Variants in PRRX2 observed in about 807,000 individuals in gnomAD.
PRRX2 encodes paired related homeobox 2.
In PRRX2, 11 loss-of-function variants were observed where a neutral mutation model predicts 18.0. That is an observed-to-expected ratio of 0.61 (90% confidence interval 0.39 to 1.01). PRRX2 has a LOEUF of 1.01. Among genes scored for constraint, PRRX2 ranks in the 50% least tolerant of loss-of-function variants. PRRX2 has a pLI of 0.01. For missense variants in PRRX2, 387 were observed against 351.0 expected, an observed-to-expected ratio of 1.10 and a Z score of -0.82; for synonymous variants, 177 against 154.8, an observed-to-expected ratio of 1.14 and a Z score of -1.06.
chr9:129,684,273 A>G (rs922797430), intron 1 of PRRX2, among the ~76,000 whole-genome samples: 10 of 152,106 alleles, frequency 6.6e-5, no homozygotes, highest in African/African-American at 2.2e-4. Context: ...AAACTAGGAT[A>G]TATTTATTAG....
intron 1 of PRRX2, among the ~76,000 whole-genome samples, chr9:129,678,870 G>A (rs1402513378): frequency 6.6e-6 from 1 of 152,206 alleles, no homozygotes; most frequent in Non-Finnish European, 1.5e-5. Flanking sequence ...TTGTGTCTCA[G>A]TTGCCCAGAG....
At position 129,715,750 on chromosome 9, in the gene PRRX2, TCACACACA is replaced by T. The variant is rs58405360; in HGVS notation, c.260-3445_260-3438del. 4.1e-3 allele frequency among the ~76,000 whole-genome samples: 566 copies of T among 138,946 alleles called. 5 individuals are homozygous for T. Among genetic ancestry groups the T allele is most frequent in the East Asian group, 8.0e-3 (35 of 4,392 alleles). The allele number at this position is 138,946 out of a possible 152,430, so 91.2% of individuals were successfully genotyped here. On this transcript the variant is annotated intron_variant, in intron 1 of 3. Transcript: ENST00000372469. The surrounding 1 kb of genome is among the most constrained non-coding windows in gnomAD (Gnocchi z 4.0). Reference sequence around the variant, plus strand: ...AAACCCAGCTTCAGGGACATCTTTCTCACACACACACACACACACACACACACACACAC... The same window carrying T: ...AAACCCAGCTTCAGGGACATCTTTCTCACACACACACACACACACACACAC...
chr9:129,721,068 C>T (rs1832785090), intron 3 of PRRX2, among the ~76,000 whole-genome samples: 1 of 152,220 alleles, frequency 6.6e-6, no homozygotes, highest in African/African-American at 2.4e-5. Flanking sequence ...AGCGTGCAAG[C>T]ATGCGTGTCC....
intron 1 of PRRX2, among the ~76,000 whole-genome samples, chr9:129,705,261 A>G (rs1392731185): frequency 6.6e-6 from 1 of 152,052 alleles, no homozygotes; most frequent in African/African-American, 2.4e-5. Context: ...GGAGGTAGTC[A>G]GGCACCAAAA....
chr9:129,673,810 G>C (rs1457205325), intron 1 of PRRX2, among the ~76,000 whole-genome samples: 1 of 152,204 alleles, frequency 6.6e-6, no homozygotes, highest in African/African-American at 2.4e-5. Context: ...GCGGGCCAAG[G>C]GTTAAGTGCC....
At position 129,665,935 on chromosome 9, in the gene PRRX2, C is replaced by T; in HGVS notation, c.68C>T (p.Pro23Leu). Reference protein sequence around the residue: ...PALGPGPPPPPPALGPGDCAQ... With the variant: ...PALGPGPPPPLPALGPGDCAQ... Reference sequence around the variant, plus strand: ...CTGGGCCCGGGGCCGCCGCCGCCTCCACCCGCGCTGGGGCCCGGCGACTGC... The same window carrying T: ...CTGGGCCCGGGGCCGCCGCCGCCTCTACCCGCGCTGGGGCCCGGCGACTGC... The change falls in exon 1 of 4, where the codon CCA becomes CTA. Residue 23 changes from proline (P) to leucine (L), a missense_variant. Pro to Leu is a moderately conservative substitution (Grantham distance 98). Transcript: ENST00000372469. This position sits in a 1 kb window ranked among gnomAD's most constrained non-coding sequence, Gnocchi z 5.3. 1 of 1,125,284 alleles carries T rather than the reference C, an allele frequency of 8.9e-7. No homozygotes were observed. The highest frequency in any genetic ancestry group is 1.1e-6 in the Non-Finnish European group (1 of 917,618). The allele number at this position is 1,125,284 out of a possible 1,614,324, so 69.7% of individuals were successfully genotyped here.
At position 129,709,502 on chromosome 9, in the gene PRRX2, C is replaced by T. The variant is rs574312828; in HGVS notation, c.260-9729C>T. ...CCAGGGCTGGGAGCAGGTCAGAGCA[C>T]GGCAGTCCCAGGTTGGGTGGCCCAT... On this transcript the variant is annotated intron_variant, in intron 1 of 3. Coordinates refer to ENST00000372469, the MANE Select transcript of PRRX2 (RefSeq NM_016307.4). This position sits in a 1 kb window ranked among gnomAD's most constrained non-coding sequence, Gnocchi z 4.2. 6.6e-4 allele frequency among the ~76,000 whole-genome samples: 101 copies of T among 152,312 alleles called. No homozygotes were observed. The highest frequency in any genetic ancestry group is 2.4e-3 in the African/African-American group (98 of 41,560).
At position 129,691,903 on chromosome 9, in the gene PRRX2, A is replaced by G. The variant is rs181549854; in HGVS notation, c.259+25777A>G. On this transcript the variant is annotated intron_variant, in intron 1 of 3. Coordinates refer to ENST00000372469, the MANE Select transcript of PRRX2 (RefSeq NM_016307.4). ...CACTGTGTTTGCCCAGACTACAGGT[A>G]TGAGCCATCGTGCCTGGCCTAGACG... Among the ~76,000 whole-genome samples the G allele has an allele frequency of 2.0e-5, 3 of 151,794 alleles. No homozygotes were observed. In the East Asian group the frequency reaches 5.8e-4, roughly 29 times the overall value.
intron 1 of PRRX2, among the ~76,000 whole-genome samples, chr9:129,691,525 C>T (rs116721946): frequency 0.015 from 2,314 of 152,018 alleles, 57 homozygotes; most frequent in African/African-American, 0.053. Context: ...TTCTCGATTT[C>T]GTCTTCATTG....
At chr9:129,678,166 G>A (rs991090568) in intron 1 of PRRX2, among the ~76,000 whole-genome samples, 9 of 152,028 alleles carry the variant, frequency 5.9e-5, no homozygotes, top group East Asian at 3.9e-4. Context: ...GTTTTGTCAC[G>A]TTGGCCAGGC....
intron 1 of PRRX2, among the ~76,000 whole-genome samples, chr9:129,691,681 C>CTT (rs57659621): frequency 6.4e-5 from 9 of 141,480 alleles, no homozygotes; most frequent in African/African-American, 1.8e-4. Flanking sequence ...TTTAAATATA[C>CTT]TTTTTTTTTT....
chr9:129,699,440 TGTG>T (rs1443423257), intron 1 of PRRX2, among the ~76,000 whole-genome samples: 1 of 72,110 alleles, frequency 1.4e-5, no homozygotes. Context: ...AATATATATA[TGTG>T]TGTGTGTGTG....
At chr9:129,668,407 C>T (rs551043161) in intron 1 of PRRX2, among the ~76,000 whole-genome samples, 33 of 152,258 alleles carry the variant, frequency 2.2e-4, no homozygotes, top group African/African-American at 6.7e-4. Flanking sequence ...TACAGGAGCC[C>T]GGTCCCCTCA....
chr9:129,680,855 C>T (rs1701205486), intron 1 of PRRX2, among the ~76,000 whole-genome samples: 1 of 152,222 alleles, frequency 6.6e-6, no homozygotes, highest in Admixed American at 6.5e-5. Context: ...AGGCATCTTG[C>T]TTTATTTTCC....
intron 1 of PRRX2, among the ~76,000 whole-genome samples, chr9:129,685,461 G>T (rs1832289536): frequency 6.6e-6 from 1 of 152,070 alleles, no homozygotes; most frequent in African/African-American, 2.4e-5. Context: ...CAACCTCCTG[G>T]GCTGTTGATC....
At chr9:129,719,519 C>T (rs1832762494) in intron 2 of PRRX2, 101 bp downstream of exon 2, 8 of 1,341,016 alleles carry the variant, frequency 6.0e-6, no homozygotes, top group Non-Finnish European at 7.8e-6. Flanking sequence ...GGTGTTTGAG[C>T]AGGAGCATCT....
intron 1 of PRRX2, among the ~76,000 whole-genome samples, chr9:129,669,307 G>A (rs1832070702): frequency 6.6e-6 from 1 of 152,244 alleles, no homozygotes; most frequent in African/African-American, 2.4e-5. Context: ...AGGGTCGCGG[G>A]TTCCTTCCTC....
intron 1 of PRRX2, among the ~76,000 whole-genome samples, chr9:129,717,850 C>T (rs1384230597): frequency 6.6e-6 from 1 of 152,064 alleles, no homozygotes; most frequent in African/African-American, 2.4e-5. Context: ...TTAAAATACA[C>T]ATTTTTAATG....
intron 1 of PRRX2, among the ~76,000 whole-genome samples, chr9:129,697,069 GAC>G (rs1287138655): frequency 6.6e-6 from 1 of 152,272 alleles, no homozygotes; most frequent in East Asian, 1.9e-4. Context: ...CGTGTGTGGA[GAC>G]ACGCCCATAG....
Sources: allele counts gnomAD v4.1 joint callset (sites outside exome capture counted in the v4.1 genomes callset), GRCh38; gene constraint gnomAD v4.1.1; non-coding constraint Gnocchi (gnomAD v3.1); transcripts MANE v1.5; gene names NCBI Gene and HGNC (gene_info 2026-07-23, HGNC 2026-07-21).